Variants in ZW10 observed in about 807,000 individuals in gnomAD.
The protein encoded by ZW10 is centromere/kinetochore protein zw10 homolog.
Under a neutral mutation model 87.8 loss-of-function variants are expected in ZW10, and 53 were observed. That is an observed-to-expected ratio of 0.60 (90% CI 0.48 to 0.76). ZW10 has a LOEUF of 0.76. ZW10 is among the 30% of genes least tolerant of loss of function. The pLI, the probability that ZW10 is intolerant of heterozygous loss-of-function variation, is 0.00. For missense variants in ZW10, 837 were observed against 923.0 expected (o/e 0.91, Z 1.21); for synonymous variants, 312 against 329.2 (o/e 0.95, Z 0.57).
At chr11:113,748,492 G>A in intron 7 of ZW10, 72 bp from the exon 8 acceptor site, 1 of 1,348,414 alleles carries the variant, frequency 7.4e-7, no homozygotes, top group Admixed American at 2.6e-5. Flanking sequence ...AGGTTTTCTA[G>A]AATTCTTTAA....
At chr11:113,759,924 CCTCTAG>C (rs1953839104) in intron 5 of ZW10, among the ~76,000 whole-genome samples, 2 of 152,136 alleles carry the variant, frequency 1.3e-5, no homozygotes, top group Non-Finnish European at 2.9e-5. Context: ...GCTATCATCT[CCTCTAG>C]CACACTCTCA....
chr11:113,739,635 C>G (rs1055161070), intron 11 of ZW10, among the ~76,000 whole-genome samples: 24 of 152,140 alleles, frequency 1.6e-4, no homozygotes, highest in African/African-American at 5.6e-4. Flanking sequence ...AAGATGTTTG[C>G]CTGAGTCAAC....
In ZW10 at chr11:113,760,360, T is replaced by C. The variant is rs377616472; in HGVS notation, c.429A>G (p.Lys143=). 6.2e-6 allele frequency: 10 copies of C among 1,613,778 alleles called. No individual in the cohort carries two copies. In the African/African-American group the frequency reaches 1.3e-4, roughly 22 times the overall value. ...TTCTGGATTTTAATAACTTCAAGCA[T>C]TTCTGTGCCTGGTAACGAAATGGAA... is the stretch of plus-strand genomic sequence containing the variant. ...TGAQRLEEAQ[K]CLKLLKSRKC... The change falls in exon 5 of 16, where the codon AAA becomes AAG. Residue 143 remains lysine (K), a synonymous_variant. Transcript: ENST00000200135.
At chr11:113,737,797 G>C in intron 13 of ZW10, 94 bp from the exon 14 acceptor site, 1 of 1,409,020 alleles carries the variant, frequency 7.1e-7, no homozygotes. Flanking sequence ...CATTGGGAAA[G>C]TGGCATTATG....
At chr11:113,771,906 C>T (rs1323945217) in intron 1 of ZW10, among the ~76,000 whole-genome samples, 1 of 152,114 alleles carries the variant, frequency 6.6e-6, no homozygotes, top group Non-Finnish European at 1.5e-5. Context: ...TATGCTTGCC[C>T]TCAAATTCCT....
At chr11:113,760,997 C>G (rs532496778) in intron 2 of ZW10, 79 bp from the exon 3 acceptor site, 95 of 1,039,824 alleles carry the variant, frequency 9.1e-5, no homozygotes, top group Non-Finnish European at 1.3e-4. Context: ...AATCAATAAG[C>G]TTTACTAGGT....
chr11:113,768,938 C>T lies in ZW10; in HGVS notation c.135G>A (p.Lys45=), dbSNP rs1485052444. 1 of 1,614,028 alleles carries T rather than the reference C, an allele frequency of 6.2e-7. No individual in the cohort carries two copies. Among genetic ancestry groups the T allele is most frequent in the African/African-American group, 1.3e-5 (1 of 74,928 alleles). The change falls in exon 2 of 16, where the codon AAG becomes AAA. Residue 45 remains lysine, a synonymous_variant. Coordinates refer to ENST00000200135, the MANE Select transcript of ZW10 (RefSeq NM_004724.4). The stretch of plus-strand genomic sequence containing the variant: ...GCATGCTAGGCAGGAATTCACTGTA[C>T]TTCTTGCTAATCATATTGCACACCT... ...KGEVCNMISK[K]YSEFLPSMQS...
chr11:113,748,469 C>T, intron 7 of ZW10, 49 bp from the exon 8 acceptor site: 1 of 1,469,920 alleles, frequency 6.8e-7, no homozygotes, highest in Non-Finnish European at 9.1e-7. Context: ...ATTCGCAGTC[C>T]TGGAATATTC....
intron 7 of ZW10, among the ~76,000 whole-genome samples, chr11:113,750,030 T>C (rs1472876583): frequency 1.3e-5 from 2 of 152,196 alleles, no homozygotes; most frequent in East Asian, 1.9e-4. Context: ...CCTACATAAA[T>C]TGTAATAGGT....
chr11:113,756,893 T>G (rs1953792731), intron 7 of ZW10, among the ~76,000 whole-genome samples: 1 of 152,162 alleles, frequency 6.6e-6, no homozygotes. Context: ...ATGCAAGCCT[T>G]AGGATTTTTT....
At chr11:113,771,122 C>T (rs1034779528) in intron 1 of ZW10, 1 of 151,730 alleles carries the variant, frequency 6.6e-6, no homozygotes, top group Non-Finnish European at 1.5e-5. Flanking sequence ...ATTACAGGCG[C>T]CCACCACCAC....
intron 2 of ZW10, among the ~76,000 whole-genome samples, chr11:113,765,928 C>G (rs2134896423): frequency 6.6e-6 from 1 of 152,266 alleles, no homozygotes; most frequent in Middle Eastern, 3.4e-3. Flanking sequence ...GTCAGGAGTC[C>G]TTTTCTATTA....
Position 113,750,837 on chromosome 11 carries a change from G to A in ZW10, c.926-2417C>T, listed in dbSNP as rs147303880. ...AAAGAAAATCCTTTTTAAATGGGGA[G>A]ATGGCAAAAGAAGTGATCTTGTTTT... On this transcript the variant is annotated intron_variant, in intron 7 of 15. Transcript: ENST00000200135. Among the ~76,000 whole-genome samples the A allele has an allele frequency of 9.1e-3, 1,384 of 151,340 alleles. 15 individuals are homozygous for A. Among genetic ancestry groups the A allele is most frequent in the Middle Eastern group, 0.024 (7 of 292 alleles).
intron 6 of ZW10, 27 bp from the exon 7 acceptor site, chr11:113,757,880 A>G: frequency 6.4e-7 from 1 of 1,558,708 alleles, no homozygotes; most frequent in East Asian, 2.3e-5. Context: ...ACATTCATCA[A>G]AAAATCACCA....
intron 2 of ZW10, among the ~76,000 whole-genome samples, chr11:113,766,245 G>A (rs2134896837): frequency 6.6e-6 from 1 of 152,152 alleles, no homozygotes; most frequent in South Asian, 2.1e-4. Flanking sequence ...TATACCTGTA[G>A]TCTCAGCTAC....
At position 113,738,249 on chromosome 11, in the gene ZW10, G is replaced by T; in HGVS notation, c.1884+15C>A. 6.3e-7 allele frequency: 1 copy of T among 1,585,928 alleles called. No individual in the cohort carries two copies. ...GGATAGAATACAAATTTCAGTGCTA[G>T]CAAGAGCCTCCTACCTGCCGGACTG... On this transcript the variant is annotated intron_variant, in intron 13 of 15. Transcript: ENST00000200135.
Position 113,760,329 on chromosome 11 carries a change from A to G in ZW10, c.460T>C (p.Phe154Leu). 2 of 1,614,068 alleles carry G rather than the reference A, an allele frequency of 1.2e-6. No homozygotes were observed. The highest frequency in any genetic ancestry group is 1.7e-5 in the Admixed American group (1 of 60,012). The stretch of plus-strand genomic sequence containing the variant: ...AGAGATTTCAATATTTTTAAATCAA[A>G]GCATTTTCTGGATTTTAATAACTTC... ...CLKLLKSRKC[F>L]DLKILKSLSM... The change falls in exon 5 of 16, where the codon TTT becomes CTT. Residue 154 changes from phenylalanine (F) to leucine (L), a missense_variant. Phe to Leu is a conservative substitution (Grantham distance 22). Transcript: ENST00000200135.
chr11:113,748,715 A>C (rs970321814), intron 7 of ZW10, among the ~76,000 whole-genome samples: 1 of 152,234 alleles, frequency 6.6e-6, no homozygotes, highest in Admixed American at 6.5e-5. Flanking sequence ...TTGTATGACA[A>C]GCACTCAGAA....
At chr11:113,752,632 G>A (rs1185138447) in intron 7 of ZW10, among the ~76,000 whole-genome samples, 1 of 152,158 alleles carries the variant, frequency 6.6e-6, no homozygotes, top group Non-Finnish European at 1.5e-5. Context: ...GAGATGCCAT[G>A]AACCACTCAT....
Sources: allele counts gnomAD v4.1 joint callset (sites outside exome capture counted in the v4.1 genomes callset), GRCh38; gene constraint gnomAD v4.1.1; transcripts MANE v1.5; gene names NCBI Gene and HGNC (gene_info 2026-07-23, HGNC 2026-07-21).